PASD1: variants seen among roughly 807,000 people sequenced by gnomAD.
PASD1 encodes the protein circadian clock protein PASD1.
PASD1 carries 13 observed loss-of-function variants against 58.8 expected under a neutral mutation model. The observed-to-expected ratio is 0.22, with a 90% CI of 0.14 to 0.35. The LOEUF is 0.35. PASD1 is among the 10% of genes least tolerant of loss of function. The pLI is 1.00. For synonymous variants in PASD1, 236 were observed against 216.7 expected (o/e 1.09, Z -0.78); for missense variants, 734 against 568.3 (o/e 1.29, Z -2.96).
chrX:151,668,740 C>G (rs987776522), intron 11 of PASD1, among the ~76,000 whole-genome samples: 2 of 109,205 alleles, frequency 1.8e-5, no homozygotes, highest in African/African-American at 6.7e-5. Flanking sequence ...AAAAAAAGTC[C>G]AGGACCAGAT....
intron 1 of PASD1, among the ~76,000 whole-genome samples, chrX:151,592,776 C>T (rs2013267398): frequency 9.0e-6 from 1 of 111,378 alleles, no homozygotes; most frequent in Non-Finnish European, 1.9e-5. Context: ...TTTATTGAAA[C>T]AGTAGATGTT....
At chrX:151,642,613 T>C (rs1159595815) in intron 8 of PASD1, among the ~76,000 whole-genome samples, 2 of 112,348 alleles carry the variant, frequency 1.8e-5, no homozygotes, top group Non-Finnish European at 3.8e-5. Flanking sequence ...TTCTAATTTT[T>C]CAATGATTTA....
chrX:151,566,061 A>T (rs919286574), intron 1 of PASD1, among the ~76,000 whole-genome samples: 40 of 112,137 alleles, frequency 3.6e-4, no homozygotes, highest in African/African-American at 1.1e-3. Flanking sequence ...ATAAAAGTGT[A>T]GTTTAACTCT....
At chrX:151,600,902 T>C (rs2013406497) in intron 1 of PASD1, among the ~76,000 whole-genome samples, 1 of 112,415 alleles carries the variant, frequency 8.9e-6, no homozygotes. Context: ...TAATCACTTT[T>C]TTGTAACACA....
intron 9 of PASD1, among the ~76,000 whole-genome samples, chrX:151,659,072 A>C (rs2014280169): frequency 8.9e-6 from 1 of 112,451 alleles, no homozygotes; most frequent in African/African-American, 3.2e-5. Context: ...GACACTATCC[A>C]GTGAGAACAT....
At chrX:151,660,577 T>A (rs2014297244) in intron 10 of PASD1, among the ~76,000 whole-genome samples, 1 of 112,539 alleles carries the variant, frequency 8.9e-6, no homozygotes, top group Admixed American at 9.4e-5. Flanking sequence ...GAACTCATAA[T>A]TGTGATTTCT....
At chrX:151,590,515 A>C (rs2013229962) in intron 1 of PASD1, among the ~76,000 whole-genome samples, 1 of 110,846 alleles carries the variant, frequency 9.0e-6, no homozygotes, top group South Asian at 3.9e-4. Flanking sequence ...CTTGAACCTA[A>C]CCCCATAGTA....
At chrX:151,619,650 A>G (rs1238575581) in intron 4 of PASD1, among the ~76,000 whole-genome samples, 2 of 111,688 alleles carry the variant, frequency 1.8e-5, no homozygotes, top group Non-Finnish European at 3.8e-5. Context: ...GACGCTTGGT[A>G]AGATGAGGGC....
At position 151,672,256 on chromosome X, in the gene PASD1, G is replaced by T; in HGVS notation, c.1511G>T (p.Arg504Ile). ...CTGCGGGAGCAGCTGCAACAGCTGA[G>T]AGAGCAAAGGAAGGTGCAGAAGCAG... ...RQLREQLQQL[R>I]EQRKVQKQKK... Residue 504 changes from arginine (R) to isoleucine (I), a missense_variant, in exon 14 of 16, where the codon AGA (arginine) becomes ATA (isoleucine). Transcript: ENST00000370357. The T allele has an allele frequency of 8.6e-7, 1 of 1,167,214 alleles. No individual in the cohort carries two copies. The highest frequency in any genetic ancestry group is 1.1e-6 in the Non-Finnish European group (1 of 873,009).
chrX:151,637,576 A>G (rs1025918196), intron 8 of PASD1, among the ~76,000 whole-genome samples: 53 of 111,072 alleles, frequency 4.8e-4, no homozygotes, highest in Non-Finnish European at 1.3e-4. Context: ...AGGTTTCACC[A>G]TGTTGGTCTC....
chrX:151,621,224 A>G (rs2013704070), intron 5 of PASD1, among the ~76,000 whole-genome samples, 195 bp downstream of exon 5: 1 of 111,330 alleles, frequency 9.0e-6, no homozygotes, highest in Non-Finnish European at 1.9e-5. Flanking sequence ...ATTCCTCACC[A>G]CAGACCCTGA....
intron 4 of PASD1, among the ~76,000 whole-genome samples, chrX:151,613,924 A>G (rs2013603228): frequency 9.0e-6 from 1 of 111,071 alleles, no homozygotes; most frequent in African/African-American, 3.3e-5. Flanking sequence ...TGAGGGCCCA[A>G]TCTCTGCTTC....
chrX:151,617,078 G>A (rs1327781049), intron 4 of PASD1, among the ~76,000 whole-genome samples: 2 of 111,206 alleles, frequency 1.8e-5, no homozygotes, highest in Non-Finnish European at 3.8e-5. Flanking sequence ...ACTAATATTT[G>A]TGTGACAACT....
At chrX:151,564,259 G>A (rs967854668) in intron 1 of PASD1, among the ~76,000 whole-genome samples, 3 of 112,792 alleles carry the variant, frequency 2.7e-5, no homozygotes, top group African/African-American at 6.4e-5. Context: ...GGTCTGGGGC[G>A]CGTCTCCATT....
At chrX:151,653,356 T>C (rs1357320530) in intron 9 of PASD1, among the ~76,000 whole-genome samples, 3 of 109,558 alleles carry the variant, frequency 2.7e-5, no homozygotes, top group African/African-American at 1.0e-4. Context: ...CACACCTGGC[T>C]AATTTTTGTA....
chrX:151,656,324 T>A (rs1235009774), intron 9 of PASD1, among the ~76,000 whole-genome samples: 5 of 111,747 alleles, frequency 4.5e-5, no homozygotes, highest in East Asian at 2.8e-4. Flanking sequence ...CTTAGGATTG[T>A]CTTGGCAATG....
chrX:151,653,747 CTTCCTTCTTTCTTTCTTTCTTTCT>C (rs1236931772), intron 9 of PASD1, among the ~76,000 whole-genome samples: 6,087 of 39,723 alleles, frequency 0.15, 1,334 homozygotes, highest in Non-Finnish European at 0.26. Flanking sequence ...TCTTTCTTTC[CTTCCTTCTTTCTTTCTTTCTTTCT>C]TTCTTTCTTT....
At chrX:151,573,889 G>A (rs1462811609) in intron 1 of PASD1, among the ~76,000 whole-genome samples, 1 of 112,083 alleles carries the variant, frequency 8.9e-6, no homozygotes, top group Non-Finnish European at 1.9e-5. Flanking sequence ...CTCCAGACAA[G>A]AACACATGTG....
At chrX:151,628,750 G>A (rs1316236779) in intron 8 of PASD1, among the ~76,000 whole-genome samples, 1 of 111,579 alleles carries the variant, frequency 9.0e-6, no homozygotes, top group Non-Finnish European at 1.9e-5. Flanking sequence ...AGCTTGATGG[G>A]GATGGCATTG....
Sources: gnomAD v4.1 joint callset for allele counts (sites outside exome capture counted in the v4.1 genomes callset) on GRCh38, gnomAD v4.1.1 for gene constraint, MANE v1.5 for transcripts, NCBI Gene and HGNC (gene_info 2026-07-23, HGNC 2026-07-21) for gene names.